The following ZNF37A variants were observed in gnomAD, a reference collection of about 807,000 sequenced individuals.
ZNF37A encodes the protein zinc finger protein 37a (KOX 21).
A neutral mutation model predicts 12.3 loss-of-function variants in ZNF37A; 10 were observed. That is an observed-to-expected ratio of 0.82 (90% CI 0.50 to 1.38). The LOEUF (loss-of-function observed/expected upper bound fraction) is 1.38, where lower values mean the gene tolerates loss of function less well. Ranked by LOEUF, ZNF37A falls within the 40% of genes most tolerant of loss-of-function variation. The probability of loss-of-function intolerance (pLI) is 0.00; values close to 1 mark genes in which losing one functional copy is unlikely to be tolerated. For missense variants in ZNF37A, 580 were observed against 651.2 expected (o/e 0.89, Z 1.19); for synonymous variants, 207 against 223.0 (o/e 0.93, Z 0.64).
intron 7 of ZNF37A, chr10:38,146,710 G>T: frequency 2.5e-6 from 1 of 398,392 alleles, no homozygotes; most frequent in Non-Finnish European, 4.4e-6. Context: ...ATGCACAGAG[G>T]GTCAACTTTT....
intron 5 of ZNF37A, among the ~76,000 whole-genome samples, chr10:38,097,405 C>T (rs2067230487): frequency 6.6e-6 from 1 of 151,734 alleles, no homozygotes; most frequent in Non-Finnish European, 1.5e-5. Flanking sequence ...TGGTGAAACC[C>T]CGTCTCTACT....
chr10:38,111,554 T>A (rs998720580), intron 5 of ZNF37A, among the ~76,000 whole-genome samples: 1 of 152,202 alleles, frequency 6.6e-6, no homozygotes, highest in Non-Finnish European at 1.5e-5. Flanking sequence ...TCATTCTAAT[T>A]ACATTTTTGT....
At chr10:38,099,191 T>C (rs1175583442) in intron 5 of ZNF37A, among the ~76,000 whole-genome samples, 3 of 152,194 alleles carry the variant, frequency 2.0e-5, no homozygotes, top group Non-Finnish European at 4.4e-5. Flanking sequence ...AGCAGTGTTA[T>C]GTATGTGTAT....
intron 5 of ZNF37A, among the ~76,000 whole-genome samples, chr10:38,102,392 A>T (rs956239240): frequency 1.3e-5 from 2 of 152,138 alleles, no homozygotes; most frequent in African/African-American, 4.8e-5. Context: ...ATTTATAACA[A>T]TCTAGCTTGC....
At chr10:38,107,785 T>C (rs1361273393) in intron 5 of ZNF37A, among the ~76,000 whole-genome samples, 1 of 152,158 alleles carries the variant, frequency 6.6e-6, no homozygotes, top group Non-Finnish European at 1.5e-5. Context: ...AAGGGATCAA[T>C]GCAACAAGAA....
At chr10:38,114,261 T>C (rs1252424402) in intron 5 of ZNF37A, among the ~76,000 whole-genome samples, 1 of 152,216 alleles carries the variant, frequency 6.6e-6, no homozygotes, top group Non-Finnish European at 1.5e-5. Context: ...TTCAGGTTTT[T>C]AACCTTTTGT....
chr10:38,108,315 C>T (rs1167184666), intron 5 of ZNF37A, among the ~76,000 whole-genome samples: 3 of 152,256 alleles, frequency 2.0e-5, no homozygotes, highest in African/African-American at 7.2e-5. Context: ...AACAAAGACA[C>T]AACATACCAG....
intron 5 of ZNF37A, among the ~76,000 whole-genome samples, chr10:38,101,823 CTTTTTTTTTTTT>C (rs3041908): frequency 7.5e-6 from 1 of 133,166 alleles, no homozygotes; most frequent in Admixed American, 7.7e-5. Context: ...TTTTATTTTT[CTTTTTTTTTTTT>C]TTTTTGAGAC....
At chr10:38,129,319 A>AAAAAACAAC, downstream of ZNF37A, among the ~76,000 whole-genome samples, 2 of 116,228 alleles carry the variant, frequency 1.7e-5, no homozygotes, top group African/African-American at 7.3e-5. Flanking sequence ...AAAAAAAAAA[A>AAAAAACAAC]AAACTATTAT....
intron 7 of ZNF37A, chr10:38,143,955 C>T (rs1295558458): frequency 6.6e-6 from 1 of 152,244 alleles, no homozygotes; most frequent in Non-Finnish European, 1.5e-5. Context: ...TGGAGGGAGC[C>T]TCCACCTGTG....
rs1402912582 is a variant in ZNF37A at position 38,121,184 on chromosome 10, T to C, written c.*2347T>C. 1.3e-5 allele frequency: 2 copies of C among 151,558 alleles called. No homozygotes were observed. The highest frequency in any genetic ancestry group is 2.9e-5 in the Non-Finnish European group (2 of 67,930). The allele number at this position is 151,558 out of a possible 1,614,324, so 9.4% of individuals were successfully genotyped here. On this transcript the variant is annotated 3_prime_UTR_variant, in exon 8 of 8. Transcript: ENST00000685332. ...TTTCCAATTCAGTTTTTGAGGCCAGTACAACCTTGATAACAAAACCTAAAA... is the reference window on the plus strand; with the variant it reads ...TTTCCAATTCAGTTTTTGAGGCCAGCACAACCTTGATAACAAAACCTAAAA...
At chr10:38,108,458 A>G (rs2068331215) in intron 5 of ZNF37A, among the ~76,000 whole-genome samples, 2 of 152,210 alleles carry the variant, frequency 1.3e-5, no homozygotes, top group Admixed American at 1.3e-4. Flanking sequence ...GAGCAAATAC[A>G]TTCAAAAGCT....
intron 5 of ZNF37A, among the ~76,000 whole-genome samples, chr10:38,113,405 G>A (rs1157567107): frequency 6.6e-6 from 1 of 151,742 alleles, no homozygotes; most frequent in Non-Finnish European, 1.5e-5. Context: ...TAAAGATGGG[G>A]TTTTACCATG....
intron 7 of ZNF37A, among the ~76,000 whole-genome samples, chr10:38,131,160 G>A (rs1381339311): frequency 6.6e-6 from 1 of 152,068 alleles, no homozygotes; most frequent in African/African-American, 2.4e-5. Context: ...GTAGGTTGTT[G>A]CTTTGCTTTC....
chr10:38,141,138 T>C (rs2070176471), intron 7 of ZNF37A: 2 of 152,354 alleles, frequency 1.3e-5, no homozygotes, highest in South Asian at 4.1e-4. Flanking sequence ...ATTTACTAAT[T>C]ACCATGGTTG....
chr10:38,099,965 GTTCTTTTC>G (rs1235403514), intron 5 of ZNF37A, among the ~76,000 whole-genome samples: 2 of 152,132 alleles, frequency 1.3e-5, no homozygotes, highest in Non-Finnish European at 2.9e-5. Context: ...AGTCACGTAG[GTTCTTTTC>G]TATTTTCCCT....
At chr10:38,106,399 C>T (rs1406116012) in intron 5 of ZNF37A, among the ~76,000 whole-genome samples, 2 of 152,136 alleles carry the variant, frequency 1.3e-5, no homozygotes, top group South Asian at 2.1e-4. Flanking sequence ...GAAACCAGCA[C>T]AAAAGGCTGA....
At chr10:38,117,276 CAT>C in intron 7 of ZNF37A, 112 bp from the exon 8 acceptor site, 1 of 1,470,272 alleles carries the variant, frequency 6.8e-7, no homozygotes, top group Non-Finnish European at 9.0e-7. Flanking sequence ...ATTGTCATAA[CAT>C]AGGTATGAGG....
At chr10:38,096,188 A>C (rs186510483) in intron 4 of ZNF37A, among the ~76,000 whole-genome samples, 36 of 152,280 alleles carry the variant, frequency 2.4e-4, no homozygotes, top group African/African-American at 7.9e-4. Context: ...AACAAACAAA[A>C]AAAACTGGGC....
Sources: allele counts gnomAD v4.1 joint callset (sites outside exome capture counted in the v4.1 genomes callset), GRCh38; gene constraint gnomAD v4.1.1; transcripts MANE v1.5; gene names NCBI Gene and HGNC (gene_info 2026-07-23, HGNC 2026-07-21).